Variants in EXOG observed in about 807,000 individuals in gnomAD.
EXOG encodes nuclease EXOG, mitochondrial.
EXOG carries 27 observed loss-of-function variants against 25.8 expected under a neutral mutation model. That is an observed-to-expected ratio of 1.05 (90% CI 0.77 to 1.45). EXOG has a LOEUF of 1.45. Ranked by LOEUF, EXOG falls within the 40% of genes most tolerant of loss-of-function variation. The pLI is 0.00. For synonymous variants in EXOG, 133 were observed against 167.0 expected (o/e 0.80, Z 1.57); for missense variants, 458 against 450.5 (o/e 1.02, Z -0.15).
At chr3:38,523,320 C>G in intron 5 of EXOG, 1 of 1,270,994 alleles carries the variant, frequency 7.9e-7, no homozygotes, top group Non-Finnish European at 1.0e-6. Context: ...CTTTGTCCTA[C>G]AAACAGAACA....
At chr3:38,514,050 A>G (rs1412968588) in intron 5 of EXOG, among the ~76,000 whole-genome samples, 1 of 152,240 alleles carries the variant, frequency 6.6e-6, no homozygotes, top group African/African-American at 2.4e-5. Context: ...GGCACATTCA[A>G]GGAGCAGTGC....
intron 1 of EXOG, 150 bp from the exon 2 acceptor site, chr3:38,497,479 A>G: frequency 7.4e-7 from 1 of 1,354,088 alleles, no homozygotes; most frequent in Non-Finnish European, 9.4e-7. Flanking sequence ...CAAAAATGAG[A>G]TTTTCTGGTT....
intron 4 of EXOG, 126 bp from the exon 5 acceptor site, chr3:38,506,728 C>T: frequency 2.1e-6 from 1 of 476,648 alleles, no homozygotes; most frequent in Non-Finnish European, 3.7e-6. Context: ...ATGTTTTGTG[C>T]CATGTTCTTG....
At chr3:38,523,880 A>G (rs1171344059) in intron 5 of EXOG, 21 bp from the exon 6 acceptor site, 7 of 1,511,328 alleles carry the variant, frequency 4.6e-6, no homozygotes, top group Non-Finnish European at 6.2e-6. Context: ...GGCATCACTA[A>G]TATGGCTGCT....
At chr3:38,506,179 A>G (rs1197592555) in intron 4 of EXOG, among the ~76,000 whole-genome samples, 3 of 152,166 alleles carry the variant, frequency 2.0e-5, no homozygotes, top group Non-Finnish European at 2.9e-5. Context: ...AAAAAAAGAA[A>G]AAAAAAATAC....
chr3:38,507,955 A>AC (rs1253719913), intron 5 of EXOG, among the ~76,000 whole-genome samples: 1 of 152,170 alleles, frequency 6.6e-6, no homozygotes, highest in Non-Finnish European at 1.5e-5. Flanking sequence ...ATATGGTGAA[A>AC]CCCCGTCTCT....
At chr3:38,504,327 C>T (rs1405406565) in intron 4 of EXOG, among the ~76,000 whole-genome samples, 2 of 151,570 alleles carry the variant, frequency 1.3e-5, no homozygotes, top group South Asian at 2.1e-4. Context: ...GATTGTGCCA[C>T]TGCACTCCAG....
intron 2 of EXOG, among the ~76,000 whole-genome samples, chr3:38,498,483 A>G (rs1467848679): frequency 6.6e-6 from 1 of 151,842 alleles, no homozygotes; most frequent in African/African-American, 2.4e-5. Context: ...TGAGCCCAGG[A>G]GGTGGGGGTT....
chr3:38,516,123 C>G (rs2060535905), intron 5 of EXOG, among the ~76,000 whole-genome samples: 1 of 152,076 alleles, frequency 6.6e-6, no homozygotes, highest in South Asian at 2.1e-4. Context: ...TAATGCAGTA[C>G]TCTGTCATTT....
intron 4 of EXOG, among the ~76,000 whole-genome samples, chr3:38,504,851 A>G (rs555151089): frequency 1.6e-4 from 25 of 152,268 alleles, no homozygotes; most frequent in African/African-American, 6.0e-4. Context: ...AGGTTCTTTC[A>G]GGCTATTGTG....
At chr3:38,503,534 G>GT in intron 3 of EXOG, 81 bp from the exon 4 acceptor site, 3 of 790,566 alleles carry the variant, frequency 3.8e-6, no homozygotes, top group Non-Finnish European at 2.1e-6. Context: ...ATAAGAAAGT[G>GT]TTTTTCTGTG....
chr3:38,506,121 A>G (rs1559681556), intron 4 of EXOG, among the ~76,000 whole-genome samples: 1 of 151,894 alleles, frequency 6.6e-6, no homozygotes, highest in African/African-American at 2.4e-5. Context: ...GTGAGCTGAG[A>G]TTGCACCATT....
chr3:38,498,039 C>T (rs1158255887), intron 2 of EXOG: 2 of 388,878 alleles, frequency 5.1e-6, no homozygotes, highest in Non-Finnish European at 9.1e-6. Context: ...CAGCAATGAG[C>T]ACCATTCAGT....
At position 38,525,951 on chromosome 3, in the gene EXOG, G is replaced by A; in HGVS notation, c.*1589G>A. 1 of 984,216 alleles carries A rather than the reference G, an allele frequency of 1.0e-6. No individual in the cohort carries two copies. The highest frequency in any genetic ancestry group is 1.2e-6 in the Non-Finnish European group (1 of 828,962). The allele number at this position is 984,216 out of a possible 1,614,324, so 61.0% of individuals were successfully genotyped here. ...AGAGGGAGACCCTGTCTCAAAAAAA[G>A]AAAAGAAAAAAGAAAAAGGTCTGCC... On this transcript the variant is annotated 3_prime_UTR_variant, in exon 6 of 6. Coordinates refer to ENST00000287675, the MANE Select transcript of EXOG (RefSeq NM_005107.4).
chr3:38,524,058 G>A lies in EXOG; in HGVS notation c.803G>A (p.Ser268Asn), dbSNP rs200547739. The change falls in exon 6 of 6, where the codon AGC becomes AAC. Residue 268 changes from serine (S) to asparagine (N), a missense_variant. Physicochemically the swap from Ser to Asn is conservative, Grantham distance 46. Transcript: ENST00000287675. Reference sequence around the variant, plus strand: ...CCCCAGTTAACTGAATTCCAAGTGAGCCTCCAGGACCTAGAGAAGTTGTCA... The same window carrying A: ...CCCCAGTTAACTGAATTCCAAGTGAACCTCCAGGACCTAGAGAAGTTGTCA... Reference protein sequence around the residue: ...FQPQLTEFQVSLQDLEKLSGL... With the variant: ...FQPQLTEFQVNLQDLEKLSGL... 91 of 1,614,186 alleles carry A rather than the reference G, an allele frequency of 5.6e-5. No homozygotes were observed. The highest frequency in any genetic ancestry group is 3.3e-4 in the Admixed American group (20 of 60,032).
At chr3:38,500,333 T>C (rs1459782986) in intron 2 of EXOG, among the ~76,000 whole-genome samples, 4 of 152,190 alleles carry the variant, frequency 2.6e-5, no homozygotes, top group Admixed American at 2.0e-4. Flanking sequence ...AAGGTATCTT[T>C]TTAGGTCTTT....
Position 38,504,699 on chromosome 3 carries a change from G to A in EXOG, c.530+1008G>A, listed in dbSNP as rs566751333. On this transcript the variant is annotated intron_variant, in intron 4 of 5. Coordinates refer to ENST00000287675, the MANE Select transcript of EXOG (RefSeq NM_005107.4). ...TTTGCCCACCTTGGCCTCCCAAAGTGCTGGGATTACAGACATGAGCCACCA... is the reference window on the plus strand; with the variant it reads ...TTTGCCCACCTTGGCCTCCCAAAGTACTGGGATTACAGACATGAGCCACCA... Among the ~76,000 whole-genome samples the A allele has an allele frequency of 9.1e-4, 139 of 152,242 alleles. 1 individual carries two copies. Among genetic ancestry groups the A allele is most frequent in the African/African-American group, 3.3e-3 (137 of 41,560 alleles).
At chr3:38,520,425 T>C (rs2060679846) in intron 5 of EXOG, among the ~76,000 whole-genome samples, 1 of 152,228 alleles carries the variant, frequency 6.6e-6, no homozygotes, top group South Asian at 2.1e-4. Context: ...GCAAAATATT[T>C]TTATACCTAA....
intron 2 of EXOG, 102 bp downstream of exon 2, chr3:38,497,880 A>G (rs990275683): frequency 4.4e-6 from 6 of 1,377,422 alleles, no homozygotes; most frequent in Non-Finnish European, 5.9e-6. Context: ...TTTTCATATC[A>G]TAGCACATGT....
Sources: gnomAD v4.1 joint callset for allele counts (sites outside exome capture counted in the v4.1 genomes callset) on GRCh38, gnomAD v4.1.1 for gene constraint, MANE v1.5 for transcripts, NCBI Gene and HGNC (gene_info 2026-07-23, HGNC 2026-07-21) for gene names.